The following CADM2 variants were observed in gnomAD, a reference collection of about 807,000 sequenced individuals.
CADM2 encodes the protein immunoglobulin superfamily member 4D.
In CADM2, 12 loss-of-function variants were observed where a neutral mutation model predicts 49.8. The observed-to-expected ratio is 0.24, with a 90% CI of 0.15 to 0.39. CADM2 has a LOEUF of 0.39. Among genes scored for constraint, CADM2 ranks in the 10% least tolerant of loss-of-function variants. The pLI is 1.00. For synonymous variants in CADM2, 214 were observed against 175.4 expected (o/e 1.22, Z -1.74); for missense variants, 378 against 492.3 (o/e 0.77, Z 2.20).
chr3:85,296,344 A>T (rs1038609298), intron 1 of CADM2, among the ~76,000 whole-genome samples: 1 of 152,062 alleles, frequency 6.6e-6, no homozygotes, highest in African/African-American at 2.4e-5. Flanking sequence ...TTGATAACTC[A>T]AATTTAATAT....
chr3:85,395,335 T>C (rs963856011), intron 1 of CADM2, among the ~76,000 whole-genome samples: 3 of 141,198 alleles, frequency 2.1e-5, no homozygotes, highest in African/African-American at 5.2e-5. Flanking sequence ...AAAGAAGGGG[T>C]ATATGTATAG....
chr3:85,778,363 G>A (rs770495991), intron 2 of CADM2, among the ~76,000 whole-genome samples: 15 of 151,954 alleles, frequency 9.9e-5, no homozygotes, highest in African/African-American at 3.1e-4. Flanking sequence ...GTTTGGCTCC[G>A]TGTCCCCACC....
At chr3:85,026,434 A>G (rs1034524977) in intron 1 of CADM2, among the ~76,000 whole-genome samples, 2 of 152,202 alleles carry the variant, frequency 1.3e-5, no homozygotes, top group Admixed American at 1.3e-4. Context: ...ATTCAAAACT[A>G]TTGCAATATA....
intron 1 of CADM2, among the ~76,000 whole-genome samples, chr3:85,676,890 G>A (rs961352372): frequency 3.9e-5 from 6 of 151,970 alleles, no homozygotes; most frequent in East Asian, 1.9e-4. Context: ...CATAGTTTCC[G>A]TGACACTTAT....
chr3:85,798,173 T>C (rs1413039793), intron 2 of CADM2, among the ~76,000 whole-genome samples: 1 of 152,198 alleles, frequency 6.6e-6, no homozygotes, highest in Non-Finnish European at 1.5e-5. Context: ...TATTAGACCT[T>C]TGTCAGATGG....
intron 2 of CADM2, among the ~76,000 whole-genome samples, chr3:85,744,926 A>G (rs528976493): frequency 1.3e-5 from 2 of 152,164 alleles, no homozygotes; most frequent in Non-Finnish European, 2.9e-5. Flanking sequence ...TATGAATTTA[A>G]ATGGAAATTA....
At chr3:85,017,705 A>G (rs2034312989) in intron 1 of CADM2, among the ~76,000 whole-genome samples, 2 of 152,190 alleles carry the variant, frequency 1.3e-5, no homozygotes, top group Non-Finnish European at 2.9e-5. Flanking sequence ...AAAATTGAAG[A>G]AAAAACTTGG....
chr3:85,191,895 AC>A (rs2041217648), intron 1 of CADM2, among the ~76,000 whole-genome samples: 1 of 151,846 alleles, frequency 6.6e-6, no homozygotes, highest in Admixed American at 6.6e-5. Context: ...AGGGTCAGCA[AC>A]CTCATCTTGT....
intron 1 of CADM2, among the ~76,000 whole-genome samples, chr3:85,718,468 C>T (rs1483493474): frequency 5.3e-5 from 8 of 152,070 alleles, no homozygotes. Flanking sequence ...CTATTCTTGG[C>T]TGGAAAGCTT....
At chr3:85,698,554 G>A (rs759755041) in intron 1 of CADM2, among the ~76,000 whole-genome samples, 3 of 152,122 alleles carry the variant, frequency 2.0e-5, no homozygotes, top group Non-Finnish European at 4.4e-5. Flanking sequence ...AGGCAAAGGG[G>A]GAACTGCCAC....
chr3:85,488,732 A>G (rs1244538028), intron 1 of CADM2, among the ~76,000 whole-genome samples: 3 of 151,988 alleles, frequency 2.0e-5, no homozygotes, highest in Admixed American at 1.3e-4. Flanking sequence ...GGGTTTCACC[A>G]TGTTGGCCAA....
At chr3:85,498,751 C>T (rs2040002261) in intron 1 of CADM2, among the ~76,000 whole-genome samples, 2 of 151,930 alleles carry the variant, frequency 1.3e-5, no homozygotes, top group South Asian at 2.1e-4. Flanking sequence ...TACCGTGACC[C>T]GAGGTTCACG....
intron 1 of CADM2, among the ~76,000 whole-genome samples, chr3:85,003,159 G>C (rs2033556976): frequency 6.6e-6 from 1 of 152,046 alleles, no homozygotes; most frequent in South Asian, 2.1e-4. Flanking sequence ...GAAGTAGCTA[G>C]AGATAAAAGG....
chr3:85,212,533 T>A (rs2041803742), intron 1 of CADM2, among the ~76,000 whole-genome samples: 1 of 152,162 alleles, frequency 6.6e-6, no homozygotes, highest in African/African-American at 2.4e-5. Flanking sequence ...AATAATTGAA[T>A]GAACCAACAA....
chr3:85,245,851 C>G (rs1471019868), intron 1 of CADM2, among the ~76,000 whole-genome samples: 1 of 152,170 alleles, frequency 6.6e-6, no homozygotes, highest in Non-Finnish European at 1.5e-5. Context: ...TCACACAAGA[C>G]AGGTGTTAAT....
intron 1 of CADM2, among the ~76,000 whole-genome samples, chr3:85,445,370 A>G (rs2037398081): frequency 6.6e-6 from 1 of 152,156 alleles, no homozygotes; most frequent in South Asian, 2.1e-4. Flanking sequence ...CACAGATGTG[A>G]AATGTAATCC....
chr3:85,392,494 A>C (rs527409613), intron 1 of CADM2, among the ~76,000 whole-genome samples: 2 of 152,194 alleles, frequency 1.3e-5, no homozygotes, highest in Admixed American at 1.3e-4. Flanking sequence ...ACAGTGTTTA[A>C]ATATTTCAAG....
chr3:85,559,008 A>G (rs967018224), intron 1 of CADM2, among the ~76,000 whole-genome samples: 1 of 152,118 alleles, frequency 6.6e-6, no homozygotes, highest in Non-Finnish European at 1.5e-5. Context: ...TATGAGAGTT[A>G]GATTGAATTA....
intron 1 of CADM2, among the ~76,000 whole-genome samples, chr3:85,033,308 C>T (rs549221311): frequency 3.9e-5 from 6 of 152,176 alleles, no homozygotes; most frequent in Non-Finnish European, 7.4e-5. Flanking sequence ...CCAAGGTGCT[C>T]ACTGAATGGG....
Sources: gnomAD v4.1 joint callset for allele counts (sites outside exome capture counted in the v4.1 genomes callset) on GRCh38, gnomAD v4.1.1 for gene constraint, MANE v1.5 for transcripts, NCBI Gene and HGNC (gene_info 2026-07-23, HGNC 2026-07-21) for gene names.